RNF24: variants seen among roughly 807,000 people sequenced by gnomAD.
The protein encoded by RNF24 is ring finger protein 24.
RNF24 carries 14 observed loss-of-function variants against 20.0 expected under a neutral mutation model. The observed-to-expected ratio is 0.70, with a 90% CI of 0.46 to 1.10. The LOEUF (loss-of-function observed/expected upper bound fraction) is 1.10, where lower values mean the gene tolerates loss of function less well. RNF24 is among the 50% of genes least tolerant of loss of function. The pLI, the probability that RNF24 is intolerant of heterozygous loss-of-function variation, is 0.00. For missense variants in RNF24, 124 were observed against 177.6 expected, an observed-to-expected ratio of 0.70 and a Z score of 1.71; for synonymous variants, 45 against 61.1, an observed-to-expected ratio of 0.74 and a Z score of 1.23.
intron 1 of RNF24, among the ~76,000 whole-genome samples, chr20:3,982,687 G>C (rs926273816): frequency 6.6e-6 from 1 of 151,840 alleles, no homozygotes; most frequent in Non-Finnish European, 1.5e-5. Flanking sequence ...AAGAGTCCCT[G>C]ACTAGCCTGG....
chr20:3,996,767 TCCTGTA>T (rs1980901367), intron 1 of RNF24, among the ~76,000 whole-genome samples: 1 of 152,118 alleles, frequency 6.6e-6, no homozygotes, highest in Non-Finnish European at 1.5e-5. Context: ...CCTTTCTCCA[TCCTGTA>T]CCTGCAATAG....
intron 2 of RNF24, among the ~76,000 whole-genome samples, chr20:3,959,958 A>C (rs528527973): frequency 6.6e-6 from 1 of 152,352 alleles, no homozygotes; most frequent in East Asian, 1.9e-4. Flanking sequence ...TTAGAATATT[A>C]TATAATTCAT....
chr20:4,002,473 CA>C (rs1981493325), intron 1 of RNF24, among the ~76,000 whole-genome samples: 1 of 152,092 alleles, frequency 6.6e-6, no homozygotes, highest in Admixed American at 6.6e-5. Context: ...ACAAATGTGG[CA>C]AAACCTTGTT....
At position 3,948,672 on chromosome 20, in the gene RNF24, G is replaced by A. The variant is rs980823024; in HGVS notation, c.144-393C>T. Among the ~76,000 whole-genome samples the A allele has an allele frequency of 5.3e-5, 8 of 152,212 alleles. No homozygotes were observed. In the East Asian group the frequency reaches 1.5e-3, roughly 29 times the overall value. ...TAACTGTTGCTCATATCAAGACATG[G>A]TACATTTCCAGCACACCTGAGCCCT... On this transcript the variant is annotated intron_variant, in intron 2 of 5. Transcript: ENST00000358395.
intron 1 of RNF24, among the ~76,000 whole-genome samples, chr20:4,014,212 G>A (rs961124873): frequency 2.6e-5 from 4 of 152,158 alleles, no homozygotes; most frequent in Admixed American, 1.3e-4. Flanking sequence ...TCAAAGCAAG[G>A]GCGCATGCCA....
chr20:3,934,281 T>C lies in RNF24; in HGVS notation c.309-80A>G, dbSNP rs926370743. On this transcript the variant is annotated intron_variant, in intron 5 of 5. Coordinates refer to ENST00000358395, the MANE Select transcript of RNF24 (RefSeq NM_001134337.3). The surrounding 1 kb of genome is among the most constrained non-coding windows in gnomAD (Gnocchi z 4.0). ...CTGTTCTGCTGAACATCTCCATATC[T>C]GTCACCCAGACAACGTCTGCTGTAT... 4.9e-6 allele frequency: 7 copies of C among 1,432,334 alleles called. No individual in the cohort carries two copies. The African/African-American group carries it at 5.8e-5, about 12-fold the overall frequency. The allele number at this position is 1,432,334 out of a possible 1,614,324, so 88.7% of individuals were successfully genotyped here.
At chr20:3,961,539 C>A (rs2091202099) in intron 2 of RNF24, among the ~76,000 whole-genome samples, 1 of 152,010 alleles carries the variant, frequency 6.6e-6, no homozygotes. Flanking sequence ...AAAAACTTTG[C>A]CCAGAATCAC....
chr20:3,933,479 T>C lies in RNF24; in HGVS notation c.*584A>G, dbSNP rs148471940. The C allele has an allele frequency of 3.0e-4, 87 of 285,802 alleles. No homozygotes were observed. Among genetic ancestry groups the C allele is most frequent in the African/African-American group, 1.5e-3 (68 of 46,178 alleles). The allele number at this position is 285,802 out of a possible 1,614,324, so 17.7% of individuals were successfully genotyped here. ...CATGTTTTCAGCTTAGATGATTTGA[T>C]AGCAGGTGTTGTAATCCTGAGGGGG... On this transcript the variant is annotated 3_prime_UTR_variant, in exon 6 of 6. Coordinates refer to ENST00000358395, the MANE Select transcript of RNF24 (RefSeq NM_001134337.3).
At chr20:3,944,726 G>A (rs2090996959) in intron 4 of RNF24, among the ~76,000 whole-genome samples, 1 of 152,118 alleles carries the variant, frequency 6.6e-6, no homozygotes, top group Non-Finnish European at 1.5e-5. Context: ...CAATCCCAAG[G>A]ATTCATATCG....
In RNF24 at chr20:3,948,295, T is replaced by C. The variant is rs536987385; in HGVS notation, c.144-16A>G. 3.4e-5 allele frequency: 53 copies of C among 1,550,326 alleles called. 1 individual carries two copies. The South Asian group carries it at 5.6e-4, about 16-fold the overall frequency. ...ATGTCTTAGCCTAAAAGACAGAAAT[T>C]AGTAATGCAATATTGAGATTTCCAA... On this transcript the variant is annotated splice_polypyrimidine_tract_variant and intron_variant, in intron 2 of 5. Coordinates refer to ENST00000358395, the MANE Select transcript of RNF24 (RefSeq NM_001134337.3).
At chr20:3,964,395 C>A (rs532665136) in intron 1 of RNF24, among the ~76,000 whole-genome samples, 19 of 152,136 alleles carry the variant, frequency 1.2e-4, no homozygotes, top group Non-Finnish European at 1.8e-4. Flanking sequence ...CCTAATAACT[C>A]AACCCTTGAA....
chr20:4,009,852 T>A (rs1013871848), intron 1 of RNF24, among the ~76,000 whole-genome samples: 30 of 152,268 alleles, frequency 2.0e-4, no homozygotes, highest in African/African-American at 6.3e-4. Context: ...TTTTTAATTT[T>A]AAAATTTTTA....
chr20:3,934,529 G>A lies in RNF24; in HGVS notation c.309-328C>T, dbSNP rs1470248009. 2.6e-5 allele frequency among the ~76,000 whole-genome samples: 4 copies of A among 152,092 alleles called. No individual in the cohort carries two copies. The highest frequency in any genetic ancestry group is 2.9e-5 in the Non-Finnish European group (2 of 68,020). ...ACACTGAGCAGGGATGTGAGAAGTA[G>A]GAAAATAAATTTTTCTAACAGAAAT... On this transcript the variant is annotated intron_variant, in intron 5 of 5. Coordinates refer to ENST00000358395, the MANE Select transcript of RNF24 (RefSeq NM_001134337.3). The surrounding 1 kb of genome is among the most constrained non-coding windows in gnomAD (Gnocchi z 4.0).
intron 1 of RNF24, among the ~76,000 whole-genome samples, chr20:3,984,293 T>C (rs1979693028): frequency 1.3e-5 from 2 of 152,178 alleles, no homozygotes; most frequent in Non-Finnish European, 2.9e-5. Context: ...AATTCACTTC[T>C]TCATTGAGTA....
intron 1 of RNF24, among the ~76,000 whole-genome samples, chr20:3,999,484 G>A (rs1981201706): frequency 6.6e-6 from 1 of 152,216 alleles, no homozygotes; most frequent in South Asian, 2.1e-4. Context: ...GCCGGGTGCA[G>A]TGGCTCACGC....
chr20:3,950,867 C>T (rs1303749934), intron 2 of RNF24, among the ~76,000 whole-genome samples: 1 of 151,826 alleles, frequency 6.6e-6, no homozygotes, highest in South Asian at 2.1e-4. Flanking sequence ...TGAATTTTAC[C>T]AGTTCTTTCT....
chr20:3,988,591 C>T (rs903871336), intron 1 of RNF24, among the ~76,000 whole-genome samples: 12 of 151,568 alleles, frequency 7.9e-5, no homozygotes, highest in Non-Finnish European at 7.4e-5. Context: ...TCCCCAGGAG[C>T]TGCAACTATA....
intron 1 of RNF24, among the ~76,000 whole-genome samples, chr20:3,968,257 G>A (rs1303691346): frequency 3.3e-5 from 5 of 151,152 alleles, no homozygotes; most frequent in African/African-American, 9.7e-5. Flanking sequence ...AGCTGAGATC[G>A]CACCATTGCA....
intron 1 of RNF24, among the ~76,000 whole-genome samples, chr20:3,973,490 G>A (rs1343703868): frequency 1.2e-5 from 1 of 82,282 alleles, no homozygotes; most frequent in African/African-American, 5.1e-5. Context: ...CAAATCTCTA[G>A]GAAGAATGAC....
Sources: allele counts gnomAD v4.1 joint callset (sites outside exome capture counted in the v4.1 genomes callset), GRCh38; gene constraint gnomAD v4.1.1; non-coding constraint Gnocchi (gnomAD v3.1); transcripts MANE v1.5; gene names NCBI Gene and HGNC (gene_info 2026-07-23, HGNC 2026-07-21).